Variants in OBSL1 observed in about 807,000 individuals in gnomAD.
OBSL1 encodes the protein obscurin like cytoskeletal adaptor 1.
Under a neutral mutation model 172.0 loss-of-function variants are expected in OBSL1, and 160 were observed. The observed-to-expected ratio is 0.93, with a 90% CI of 0.82 to 1.06. OBSL1 has a LOEUF of 1.06. Ranked by LOEUF, OBSL1 falls within the 50% of genes least tolerant of loss-of-function variation. The pLI is 0.00. For synonymous variants in OBSL1, 1,200 were observed against 1,196.3 expected (o/e 1.00, Z -0.06); for missense variants, 2,681 against 2,715.4 (o/e 0.99, Z 0.28).
downstream of OBSL1, among the ~76,000 whole-genome samples, chr2:219,548,784 C>CCAAG (rs1370033631): frequency 3.3e-5 from 5 of 152,126 alleles, no homozygotes; most frequent in Non-Finnish European, 7.4e-5. Context: ...GATGCTCATT[C>CCAAG]TGCTGCCGAG....
At chr2:219,554,265 G>A in intron 15 of OBSL1, 1 of 621,460 alleles carries the variant, frequency 1.6e-6, no homozygotes, top group Non-Finnish European at 2.8e-6. Flanking sequence ...TGAGCCTTGG[G>A]CAGTCAGGGG....
chr2:219,550,635 C>T (rs1217688205), downstream of OBSL1: 2 of 635,238 alleles, frequency 3.1e-6, no homozygotes. Flanking sequence ...GGGCCAGGTA[C>T]AAGCACTACA....
At position 219,563,587 on chromosome 2, in the gene OBSL1, G is replaced by C; in HGVS notation, c.2448C>G (p.Phe816Leu). The change falls in exon 7 of 21, where the codon TTC becomes TTG. Residue 816 changes from phenylalanine to leucine, a missense_variant. Around this residue, in one of 5 missense-constraint regions of OBSL1, gnomAD observed 1,765 missense variants for 1,748.3 expected, o/e 1.01. Transcript: ENST00000404537. Reference protein sequence around the residue: ...VHIVDPREHVFVHAITSECVM... With the variant: ...VHIVDPREHVLVHAITSECVM... ...CACACTCGGAAGTTATGGCATGCAC[G>C]AACACATGTTCTCGGGGGTCCACGA... 1 of 1,613,664 alleles carries C rather than the reference G, an allele frequency of 6.2e-7. No individual in the cohort carries two copies. Among genetic ancestry groups the C allele is most frequent in the Non-Finnish European group, 8.5e-7 (1 of 1,179,764 alleles).
rs117788171 is a variant in OBSL1, at chr2:219,563,457, G to A, written c.2578C>T (p.Pro860Ser). Residue 860 changes from proline (P) to serine (S), a missense_variant, in exon 7 of 21, where the codon CCC (proline) becomes TCC (serine). Physicochemically the swap from Pro to Ser is moderately conservative, Grantham distance 74. Transcript: ENST00000404537. ...SDFVVLENEGPHRRLVLPATQ... is the reference protein window; with the variant it reads ...SDFVVLENEGSHRRLVLPATQ... ...GCGGGCAGCACCAGGCGGCGATGGG[G>A]CCCCTCATTCTCCAGCACCACGAAG... 1,827 of 1,613,780 alleles carry A rather than the reference G, an allele frequency of 1.1e-3. 38 individuals carry two copies. The East Asian group carries it at 0.036, about 32-fold the overall frequency.
At position 219,568,687 on chromosome 2, in the gene OBSL1, C is replaced by T. The variant is rs77717156; in HGVS notation, c.1013-363G>A. On this transcript the variant is annotated intron_variant, in intron 1 of 20. Transcript: ENST00000404537. The surrounding 1 kb of genome is among the most constrained non-coding windows in gnomAD (Gnocchi z 4.1). Reference sequence around the variant, plus strand: ...GTGATTTCCAAACTGTTCCCTGGCTCCCCCCGCCCCAGTCATTTCACATAT... The same window carrying T: ...GTGATTTCCAAACTGTTCCCTGGCTTCCCCCGCCCCAGTCATTTCACATAT... Among the ~76,000 whole-genome samples, 2 of 151,980 alleles carry T rather than the reference C, an allele frequency of 1.3e-5. No homozygotes were observed.
chr2:219,553,612 C>A lies in OBSL1; in HGVS notation c.4951G>T (p.Glu1651Ter), dbSNP rs140825693. Reference sequence around the variant, plus strand: ...ACATCAGCCAAAGCTTGGGAAAGCTCGCACTCGAACGTAGCTGTGTCGCCC... The same window carrying A: ...ACATCAGCCAAAGCTTGGGAAAGCTAGCACTCGAACGTAGCTGTGTCGCCC... ...TEGDTATFEC[E>*]LSQALADVTW... The change falls in exon 16 of 21, where the codon GAG (glutamate) becomes TAG (stop). Residue 1651 changes from glutamate (E) to a stop codon, truncating the protein, a stop_gained. Coordinates refer to ENST00000404537, the MANE Select transcript of OBSL1 (RefSeq NM_015311.3). LOFTEE classifies it high-confidence loss of function. 2,867 of 1,613,858 alleles carry A rather than the reference C, an allele frequency of 1.8e-3. 9 individuals are homozygous for A. Among genetic ancestry groups the A allele is most frequent in the Non-Finnish European group, 1.9e-3 (2,272 of 1,179,868 alleles).
Position 219,556,674 on chromosome 2 carries a change from G to A in OBSL1, c.4116C>T (p.His1372=), listed in dbSNP as rs370011114. 1.3e-5 allele frequency: 21 copies of A among 1,611,126 alleles called. No individual in the cohort carries two copies. The highest frequency in any genetic ancestry group is 5.5e-5 in the South Asian group (5 of 91,024). ...ACCGGAACGTGGCATCATCGCCCTC[G>A]TGGACAGTGAGTGGTGTCAGCTCCG... is the stretch of plus-strand genomic sequence containing the variant. ...LVSELTPLTV[H]EGDDATFRCE... is the part of the protein sequence containing the mutation. Residue 1372 remains histidine, a synonymous_variant, in exon 13 of 21, where the codon CAC becomes CAT. Coordinates refer to ENST00000404537, the MANE Select transcript of OBSL1 (RefSeq NM_015311.3).
rs966570317 is a variant in OBSL1 at position 219,552,112 on chromosome 2, C to T, written c.5413G>A (p.Ala1805Thr). The T allele has an allele frequency of 1.9e-6, 3 of 1,606,714 alleles. No homozygotes were observed. Among genetic ancestry groups the T allele is most frequent in the Admixed American group, 1.7e-5 (1 of 59,242 alleles). ...TGTCGCTCCCACCCCAGGTGCTTACCCTCCACTTCCAGTAGAGCCAGGGAC... is the reference window on the plus strand; with the variant it reads ...TGTCGCTCCCACCCCAGGTGCTTACTCTCCACTTCCAGTAGAGCCAGGGAC... ...AQSLALLEVEALPLQMCRHPP... is the reference protein window; with the variant it reads ...AQSLALLEVETLPLQMCRHPP... Residue 1805 changes from alanine to threonine, a missense_variant and splice_region_variant, in exon 19 of 21, where the codon GCA (alanine) becomes ACA (threonine). By Grantham distance (58) the Ala-to-Thr change is moderately conservative. This residue lies in a region of OBSL1 where 1,765 missense variants were observed against 1,748.3 expected (regional missense o/e 1.01). Coordinates refer to ENST00000404537, the MANE Select transcript of OBSL1 (RefSeq NM_015311.3).
Position 219,556,185 on chromosome 2 carries a change from G to T in OBSL1, c.4444C>A (p.Arg1482Ser). ...AGGGGCTGCCCACCTCGCACCCAGC[G>T]CACGGCCCCCGCTGCACCCACTCGG... Reference protein sequence around the residue: ...TGRVGAAGAVRWVRGGQPLPH... With the variant: ...TGRVGAAGAVSWVRGGQPLPH... The change falls in exon 14 of 21, where the codon CGC becomes AGC. Residue 1482 changes from arginine (R) to serine (S), a missense_variant. Around this residue, in one of 5 missense-constraint regions of OBSL1, gnomAD observed 1,765 missense variants for 1,748.3 expected, o/e 1.01. Transcript: ENST00000404537. The T allele has an allele frequency of 1.9e-6, 3 of 1,612,628 alleles. No homozygotes were observed. Among genetic ancestry groups the T allele is most frequent in the Non-Finnish European group, 2.5e-6 (3 of 1,179,456 alleles).
intron 3 of OBSL1, 58 bp downstream of exon 3, chr2:219,567,660 C>T (rs982177601): frequency 2.3e-5 from 37 of 1,589,372 alleles, no homozygotes; most frequent in African/African-American, 8.1e-5. Context: ...AACCCAGCTC[C>T]GGCATCTGGC....
Position 219,567,029 on chromosome 2 carries a change from A to G in OBSL1, c.1935T>C (p.Gly645=), listed in dbSNP as rs2106093651. 3 of 1,613,486 alleles carry G rather than the reference A, an allele frequency of 1.9e-6. No homozygotes were observed. The highest frequency in any genetic ancestry group is 1.3e-5 in the African/African-American group (1 of 75,042). The stretch of plus-strand genomic sequence containing the variant: ...GCTCTTCCCCATTAAGGAACCAGGT[A>G]CCCTGGATGATGGTGGAGAGATCGA... ...FSLDLSTIIQ[G]TWFLNGEELK... The change falls in exon 5 of 21, where the codon GGT becomes GGC. Residue 645 remains glycine (G), a synonymous_variant. Coordinates refer to ENST00000404537, the MANE Select transcript of OBSL1 (RefSeq NM_015311.3).
At chr2:219,561,759 T>A (rs912453712) in intron 8 of OBSL1, 5 of 667,744 alleles carry the variant, frequency 7.5e-6, no homozygotes, top group Non-Finnish European at 1.4e-5. Context: ...AACACAGGGG[T>A]CGCAAACTCA....
At chr2:219,559,674 C>G (rs780369268) in intron 8 of OBSL1, 177 bp from the exon 9 acceptor site, 3 of 595,550 alleles carry the variant, frequency 5.0e-6, no homozygotes, top group Non-Finnish European at 8.7e-6. Flanking sequence ...GAGGGTGTTA[C>G]AGAATCCAGA....
rs868659803 is a variant in OBSL1, at chr2:219,551,741, C to T, written c.5471G>A (p.Arg1824His). The T allele has an allele frequency of 5.6e-6, 9 of 1,601,048 alleles. No homozygotes were observed. The Middle Eastern group carries it at 1.5e-3, about 265-fold the overall frequency. ...CACAGTCACCTCCAGCACCGCCCGG[C>T]GGCCCACCAGAACGGTCTTCTCGCG... ...PPREKTVLVG[R>H]RAVLEVTVSR... Residue 1824 changes from arginine to histidine, a missense_variant, in exon 20 of 21, where the codon CGC (arginine) becomes CAC (histidine). Around this residue, in one of 5 missense-constraint regions of OBSL1, gnomAD observed 1,765 missense variants for 1,748.3 expected, o/e 1.01. Transcript: ENST00000404537.
rs1295551537 is a variant in OBSL1 at position 219,562,450 on chromosome 2, A to C, written c.2905T>G (p.Leu969Val). The C allele has an allele frequency of 5.6e-6, 9 of 1,613,964 alleles. No individual in the cohort carries two copies. Among genetic ancestry groups the C allele is most frequent in the Middle Eastern group, 1.6e-4 (1 of 6,062 alleles). Residue 969 changes from leucine to valine, a missense_variant, in exon 8 of 21, where the codon TTG (leucine) becomes GTG (valine). Around this residue, in one of 5 missense-constraint regions of OBSL1, gnomAD observed 1,765 missense variants for 1,748.3 expected, o/e 1.01. Transcript: ENST00000404537. ...AVQLEDSGEY[L>V]CEIDDESASF... ...GCCGACTCATCGTCAATTTCACACAAGTACTCGCCGGAGTCCTCGAGCTGG... is the reference window on the plus strand; with the variant it reads ...GCCGACTCATCGTCAATTTCACACACGTACTCGCCGGAGTCCTCGAGCTGG...
In OBSL1 at chr2:219,570,818, C is replaced by T; in HGVS notation, c.415G>A (p.Val139Met). 6.7e-7 allele frequency: 1 copy of T among 1,482,160 alleles called. No homozygotes were observed. The highest frequency in any genetic ancestry group is 1.3e-5 in the South Asian group (1 of 76,716). The allele number at this position is 1,482,160 out of a possible 1,614,324, so 91.8% of individuals were successfully genotyped here. The change falls in exon 1 of 21, where the codon GTG becomes ATG. Residue 139 changes from valine (V) to methionine (M), a missense_variant. Coordinates refer to ENST00000404537, the MANE Select transcript of OBSL1 (RefSeq NM_015311.3). Reference sequence around the variant, plus strand: ...AGCACCACCTCCGCCCCCCGCAGCACCCACTGGGATCGAGGCCCCGTGAGG... The same window carrying T: ...AGCACCACCTCCGCCCCCCGCAGCATCCACTGGGATCGAGGCCCCGTGAGG... ...VFLTGPRSQW[V>M]LRGAEVVLTC...
chr2:219,562,460 G>A lies in OBSL1; in HGVS notation c.2895C>T (p.Ser965=), dbSNP rs377130755. 29 of 1,613,868 alleles carry A rather than the reference G, an allele frequency of 1.8e-5. No homozygotes were observed. The highest frequency in any genetic ancestry group is 2.3e-5 in the Non-Finnish European group (27 of 1,179,892). The change falls in exon 8 of 21, where the codon TCC becomes TCT. Residue 965 remains serine (S), a synonymous_variant. Coordinates refer to ENST00000404537, the MANE Select transcript of OBSL1 (RefSeq NM_015311.3). The stretch of plus-strand genomic sequence containing the variant: ...CGTCAATTTCACACAAGTACTCGCC[G>A]GAGTCCTCGAGCTGGACAGCGGGCA... ...LVLPAVQLED[S]GEYLCEIDDE...
downstream of OBSL1, chr2:219,549,149 C>T (rs968625946): frequency 6.2e-7 from 1 of 1,613,782 alleles, no homozygotes; most frequent in Non-Finnish European, 8.5e-7. Context: ...CATCCCACCA[C>T]AGTGGTCATC....
chr2:219,567,992 T>C (rs1457837286), intron 2 of OBSL1, 23 bp from the exon 3 acceptor site: 9 of 1,610,716 alleles, frequency 5.6e-6, no homozygotes, highest in Non-Finnish European at 6.8e-6. Flanking sequence ...CAGGAATCCA[T>C]CAACCTGGAA....
Sources: gnomAD v4.1 joint callset for allele counts (sites outside exome capture counted in the v4.1 genomes callset) on GRCh38, gnomAD v4.1.1 for gene constraint, gnomAD v4.1.1 regional missense constraint, Gnocchi (gnomAD v3.1) non-coding constraint, MANE v1.5 for transcripts, NCBI Gene and HGNC (gene_info 2026-07-23, HGNC 2026-07-21) for gene names.